Variants in PRKCB observed in about 807,000 individuals in gnomAD.
PRKCB encodes the protein protein kinase C beta.
Under a neutral mutation model 81.5 loss-of-function variants are expected in PRKCB, and 13 were observed. The ratio of observed to expected loss-of-function variants is 0.16; its 90% confidence interval spans 0.10 to 0.25. The LOEUF (loss-of-function observed/expected upper bound fraction) is 0.25, where lower values mean the gene tolerates loss of function less well. Ranked by LOEUF, PRKCB falls within the 10% of genes least tolerant of loss-of-function variation. PRKCB has a pLI of 1.00. For missense variants in PRKCB, 509 were observed against 875.7 expected, an observed-to-expected ratio of 0.58 and a Z score of 5.29; for synonymous variants, 335 against 321.4, an observed-to-expected ratio of 1.04 and a Z score of -0.45.
At chr16:23,876,995 G>A (rs76451780) in intron 2 of PRKCB, among the ~76,000 whole-genome samples, 2 of 149,406 alleles carry the variant, frequency 1.3e-5, no homozygotes, top group Admixed American at 6.7e-5. Context: ...TATGGGGGGG[G>A]AGGGATGGAC....
intron 9 of PRKCB, among the ~76,000 whole-genome samples, chr16:24,136,551 C>T (rs891619478): frequency 6.6e-6 from 1 of 152,204 alleles, no homozygotes; most frequent in Non-Finnish European, 1.5e-5. Flanking sequence ...TGCAGATACG[C>T]ATCAGCACCA....
chr16:23,999,918 G>T (rs139589033), intron 3 of PRKCB, among the ~76,000 whole-genome samples: 51 of 152,230 alleles, frequency 3.4e-4, no homozygotes, highest in African/African-American at 1.1e-3. Flanking sequence ...TCACATGACT[G>T]ACGACGAGCA....
chr16:24,035,443 G>A lies in PRKCB; in HGVS notation c.425G>A (p.Arg142His), dbSNP rs550043137. 5.0e-6 allele frequency: 8 copies of A among 1,613,964 alleles called. No individual in the cohort carries two copies. The highest frequency in any genetic ancestry group is 6.8e-6 in the Non-Finnish European group (8 of 1,179,982). ...GCCTGCATGATGAATGTGCACAAGC[G>A]CTGCGTGATGAATGTTCCCAGCCTG... ...CDTCMMNVHK[R>H]CVMNVPSLCG... Residue 142 changes from arginine (R) to histidine (H), a missense_variant, in exon 5 of 17, where the codon CGC (arginine) becomes CAC (histidine). Arg to His is a conservative substitution (Grantham distance 29). This residue lies in a region of PRKCB where 184 missense variants were observed against 362.9 expected (regional missense o/e 0.51). Coordinates refer to ENST00000643927, the MANE Select transcript of PRKCB (RefSeq NM_002738.7).
At chr16:23,975,722 T>G (rs1964616795) in intron 2 of PRKCB, among the ~76,000 whole-genome samples, 1 of 152,202 alleles carries the variant, frequency 6.6e-6, no homozygotes, top group African/African-American at 2.4e-5. Flanking sequence ...TGAGTGCTAG[T>G]AACACCAAGC....
chr16:24,089,291 T>TG (rs1357858830), intron 5 of PRKCB, among the ~76,000 whole-genome samples: 1 of 152,078 alleles, frequency 6.6e-6, no homozygotes, highest in African/African-American at 2.4e-5. Context: ...AATCTATCTG[T>TG]GGGGGTGGGT....
intron 10 of PRKCB, among the ~76,000 whole-genome samples, chr16:24,160,190 G>GTTTTTTTTT (rs11305626): frequency 1.7e-5 from 2 of 115,308 alleles, no homozygotes; most frequent in Non-Finnish European, 1.8e-5. Context: ...CCCTTTGGGT[G>GTTTTTTTTT]TTTTTTTTTT....
rs561526910 is a variant in PRKCB at position 23,928,821 on chromosome 16, C to A, written c.206-59687C>A. Among the ~76,000 whole-genome samples, 6 of 152,004 alleles carry A rather than the reference C, an allele frequency of 3.9e-5. No individual in the cohort carries two copies. In the East Asian group the frequency reaches 1.2e-3, roughly 29 times the overall value. Reference sequence around the variant, plus strand: ...GCAACCTCCGCCTCCCAGGTTCAAGCGATTCTCCTGCCTCAGCCTCCCAAG... The same window carrying A: ...GCAACCTCCGCCTCCCAGGTTCAAGAGATTCTCCTGCCTCAGCCTCCCAAG... On this transcript the variant is annotated intron_variant, in intron 2 of 16. Transcript: ENST00000643927.
At chr16:24,050,982 A>G (rs959808649) in intron 5 of PRKCB, among the ~76,000 whole-genome samples, 2 of 150,930 alleles carry the variant, frequency 1.3e-5, no homozygotes, top group Non-Finnish European at 2.9e-5. Flanking sequence ...GATGCATTTC[A>G]TCTTGTAGGG....
chr16:23,926,617 G>A (rs1963900643), intron 2 of PRKCB, among the ~76,000 whole-genome samples: 1 of 150,518 alleles, frequency 6.6e-6, no homozygotes, highest in African/African-American at 2.4e-5. Flanking sequence ...GTGTATATAT[G>A]TATATATATG....
At chr16:24,138,983 CT>C (rs1966877031) in intron 9 of PRKCB, among the ~76,000 whole-genome samples, 1 of 151,196 alleles carries the variant, frequency 6.6e-6, no homozygotes, top group African/African-American at 2.4e-5. Context: ...TCCTGAGTAG[CT>C]GAGATTACAG....
chr16:24,206,634 G>A (rs1037248868), intron 16 of PRKCB, among the ~76,000 whole-genome samples: 2 of 152,068 alleles, frequency 1.3e-5, no homozygotes, highest in Non-Finnish European at 2.9e-5. Flanking sequence ...TCTCTTGCAG[G>A]TCCCACTCAA....
At chr16:23,988,708 TG>T (rs1190882329) in intron 3 of PRKCB, 118 bp downstream of exon 3, 2 of 954,318 alleles carry the variant, frequency 2.1e-6, no homozygotes, top group African/African-American at 1.6e-5. Flanking sequence ...AGGCATGTGG[TG>T]GTCCCTATAG....
chr16:23,983,821 T>G (rs1172337433), intron 2 of PRKCB, among the ~76,000 whole-genome samples: 1 of 152,100 alleles, frequency 6.6e-6, no homozygotes, highest in Non-Finnish European at 1.5e-5. Flanking sequence ...GTTCCAGTGA[T>G]TCTCCTGCCT....
intron 5 of PRKCB, among the ~76,000 whole-genome samples, chr16:24,071,103 T>G (rs1966102048): frequency 6.6e-6 from 1 of 152,092 alleles, no homozygotes; most frequent in African/African-American, 2.4e-5. Context: ...CCAGGGCTGA[T>G]GTGAGGATGT....
chr16:24,089,498 G>A (rs927354641), intron 5 of PRKCB, among the ~76,000 whole-genome samples: 1 of 152,212 alleles, frequency 6.6e-6, no homozygotes, highest in Admixed American at 6.5e-5. Flanking sequence ...GCAAGGCATG[G>A]TGGCTCACAC....
intron 7 of PRKCB, among the ~76,000 whole-genome samples, chr16:24,105,377 A>T (rs1966562174): frequency 1.3e-5 from 2 of 150,196 alleles, no homozygotes; most frequent in African/African-American, 2.5e-5. Context: ...TTTTTTTTTA[A>T]AATTTTACTT....
intron 9 of PRKCB, among the ~76,000 whole-genome samples, chr16:24,138,485 G>T (rs1189380860): frequency 2.0e-5 from 3 of 152,108 alleles, no homozygotes; most frequent in African/African-American, 7.2e-5. Context: ...ATCCAGCTTT[G>T]TCAAATATAA....
chr16:23,999,820 T>A (rs892951723), intron 3 of PRKCB, among the ~76,000 whole-genome samples: 2 of 152,184 alleles, frequency 1.3e-5, no homozygotes, highest in African/African-American at 4.8e-5. Context: ...TGAGGTACTT[T>A]CCCTGGGCAC....
chr16:24,214,855 A>C lies in PRKCB; in HGVS notation c.*39A>C. 1 of 1,606,258 alleles carries C rather than the reference A, an allele frequency of 6.2e-7. No homozygotes were observed. Among genetic ancestry groups the C allele is most frequent in the Non-Finnish European group, 8.5e-7 (1 of 1,175,372 alleles). Reference sequence around the variant, plus strand: ...TCTCCGTCCTTCATTTCTGTCATTCAAGCTCAACGGCTATTGTGGTGACAT... The same window carrying C: ...TCTCCGTCCTTCATTTCTGTCATTCCAGCTCAACGGCTATTGTGGTGACAT... On this transcript the variant is annotated 3_prime_UTR_variant, in exon 17 of 17. Coordinates refer to ENST00000643927, the MANE Select transcript of PRKCB (RefSeq NM_002738.7).
Sources: allele counts gnomAD v4.1 joint callset (sites outside exome capture counted in the v4.1 genomes callset), GRCh38; gene constraint gnomAD v4.1.1; regional missense constraint gnomAD v4.1.1; transcripts MANE v1.5; gene names NCBI Gene and HGNC (gene_info 2026-07-23, HGNC 2026-07-21).